Variants in MNS1 observed in about 807,000 individuals in gnomAD.
MNS1 encodes the protein meiosis specific nuclear structural 1.
MNS1 carries 63 observed loss-of-function variants against 72.0 expected under a neutral mutation model. The ratio of observed to expected loss-of-function variants is 0.87; its 90% CI spans 0.71 to 1.08. MNS1 has a LOEUF of 1.08. Ranked by LOEUF, MNS1 falls within the 50% of genes least tolerant of loss-of-function variation. The probability of loss-of-function intolerance (pLI) is 0.00; values close to 1 mark genes in which losing one functional copy is unlikely to be tolerated. For synonymous variants in MNS1, 188 were observed against 172.1 expected (o/e 1.09, Z -0.72); for missense variants, 604 against 562.4 (o/e 1.07, Z -0.75).
chr15:56,441,032 T>C (rs983313134), intron 7 of MNS1, among the ~76,000 whole-genome samples: 7 of 152,146 alleles, frequency 4.6e-5, no homozygotes, highest in African/African-American at 1.7e-4. Context: ...AGATATAAAC[T>C]TTCCTCTAAG....
chr15:56,443,738 CTG>C lies in MNS1; in HGVS notation c.801_802del (p.Asn267LysfsTer8), dbSNP rs1264214855. ...CATGTTAGCAAACTCTATGATTTTT[CTG>C]TTTTCTTCTTCCATCTCCTCACGTT... is the stretch of plus-strand genomic sequence containing the variant. On this transcript the variant is annotated frameshift_variant, in exon 6 of 10. Coordinates refer to ENST00000260453, the MANE Select transcript of MNS1 (RefSeq NM_018365.4). LOFTEE classifies it high-confidence loss of function. 6.2e-7 allele frequency: 1 copy of C among 1,613,208 alleles called. No individual in the cohort carries two copies. Among genetic ancestry groups the C allele is most frequent in the East Asian group, 2.2e-5 (1 of 44,826 alleles).
chr15:56,463,493 A>G (rs539883978), intron 2 of MNS1, among the ~76,000 whole-genome samples: 9 of 152,302 alleles, frequency 5.9e-5, no homozygotes, highest in Admixed American at 1.3e-4. Context: ...AGCATAAAAA[A>G]TAAAAGCAGG....
intron 3 of MNS1, 150 bp from the exon 4 acceptor site, chr15:56,447,093 T>C: frequency 1.7e-6 from 1 of 592,480 alleles, no homozygotes; most frequent in Non-Finnish European, 2.9e-6. Flanking sequence ...ATTCATTATA[T>C]TTAATGGATG....
At chr15:56,437,629 GAGAA>G (rs767517044) in intron 7 of MNS1, among the ~76,000 whole-genome samples, 11 of 152,158 alleles carry the variant, frequency 7.2e-5, no homozygotes, top group Non-Finnish European at 7.3e-5. Context: ...AGTCAGGCAG[GAGAA>G]AGAAAGAAAG....
chr15:56,431,344 G>A (rs1284886906), intron 9 of MNS1, 29 bp downstream of exon 9: 1 of 1,606,402 alleles, frequency 6.2e-7, no homozygotes, highest in East Asian at 2.2e-5. Flanking sequence ...AGGTCATGAA[G>A]ATTACAACTT....
At position 56,436,687 on chromosome 15, in the gene MNS1, C is replaced by G. The variant is rs533505004; in HGVS notation, c.1012-2292G>C. On this transcript the variant is annotated intron_variant, in intron 7 of 9. Transcript: ENST00000260453. ...CCAGGAGCTGGTTTTCTGAGAAGAT[C>G]AACAAAATTGATAGACCGCTAGCAA... is the stretch of plus-strand genomic sequence containing the variant. Among the ~76,000 whole-genome samples, 695 of 151,956 alleles carry G rather than the reference C, an allele frequency of 4.6e-3. 7 individuals carry two copies. The highest frequency in any genetic ancestry group is 0.016 in the African/African-American group (665 of 41,436).
At chr15:56,462,011 G>A (rs811256) in intron 2 of MNS1, among the ~76,000 whole-genome samples, 1 of 55,388 alleles carries the variant, frequency 1.8e-5, no homozygotes, top group Non-Finnish European at 4.0e-5. Flanking sequence ...TTTTTTTTTT[G>A]TGGGGTGGGG....
chr15:56,444,227 A>G (rs1383330850), intron 5 of MNS1, among the ~76,000 whole-genome samples: 1 of 152,094 alleles, frequency 6.6e-6, no homozygotes, highest in African/African-American at 2.4e-5. Flanking sequence ...AGGTCATTCA[A>G]TCACTTCAGC....
intron 3 of MNS1, 99 bp from the exon 4 acceptor site, chr15:56,447,042 G>A (rs1472140931): frequency 5.2e-6 from 4 of 766,950 alleles, no homozygotes; most frequent in Non-Finnish European, 8.5e-6. Context: ...TACTCAAAGA[G>A]GGAATACAGC....
chr15:56,449,159 C>A (rs1342096276), intron 3 of MNS1, among the ~76,000 whole-genome samples: 5 of 152,050 alleles, frequency 3.3e-5, no homozygotes, highest in African/African-American at 9.7e-5. Context: ...TTTGCTTTTT[C>A]TTGCCCTATT....
intron 3 of MNS1, among the ~76,000 whole-genome samples, chr15:56,455,735 T>C (rs1468136734): frequency 1.3e-5 from 2 of 152,152 alleles, no homozygotes; most frequent in African/African-American, 4.8e-5. Flanking sequence ...TGGAGTATTA[T>C]ACGGAAGTAT....
intron 2 of MNS1, among the ~76,000 whole-genome samples, chr15:56,461,660 C>CAAAAA (rs11294380): frequency 1.4e-4 from 8 of 57,076 alleles, no homozygotes; most frequent in East Asian, 1.1e-3. Context: ...GACTCTGTCT[C>CAAAAA]AAAAAAAAAA....
At chr15:56,446,698 A>G (rs968026664) in intron 4 of MNS1, 143 bp downstream of exon 4, 5 of 607,328 alleles carry the variant, frequency 8.2e-6, no homozygotes, top group Non-Finnish European at 1.4e-5. Flanking sequence ...GATTTTCTAC[A>G]TCTTAAGGAT....
chr15:56,463,855 A>G, intron 2 of MNS1, 171 bp downstream of exon 2: 1 of 600,840 alleles, frequency 1.7e-6, no homozygotes, highest in Non-Finnish European at 2.9e-6. Flanking sequence ...ATTCAAAGAC[A>G]GGCCGGCTCC....
At chr15:56,448,908 C>T (rs2050927962) in intron 3 of MNS1, among the ~76,000 whole-genome samples, 1 of 151,934 alleles carries the variant, frequency 6.6e-6, no homozygotes. Context: ...TGTGTGCCAC[C>T]ATGCCCGGTT....
At position 56,465,111 on chromosome 15, in the gene MNS1, C is replaced by T; in HGVS notation, c.-139G>A. 2 of 1,151,008 alleles carry T rather than the reference C, an allele frequency of 1.7e-6. No homozygotes were observed. Among genetic ancestry groups the T allele is most frequent in the Non-Finnish European group, 2.5e-6 (2 of 805,388 alleles). The allele number at this position is 1,151,008 out of a possible 1,614,324, so 71.3% of individuals were successfully genotyped here. A position where few individuals can be genotyped will look rare whatever the true frequency, so the allele number is the denominator to read the frequency against. ...ACGCGGCGTCTTGGCAACGGTGGAG[C>T]TGCGCGCCCTCCGCTCGACCAAAAG... On this transcript the variant is annotated 5_prime_UTR_variant, in exon 1 of 10. Transcript: ENST00000260453.
At chr15:56,464,721 T>G (rs1391562818) in intron 1 of MNS1, among the ~76,000 whole-genome samples, 1 of 152,214 alleles carries the variant, frequency 6.6e-6, no homozygotes, top group African/African-American at 2.4e-5. Flanking sequence ...TATATCTACT[T>G]ATTTCTTCAG....
chr15:56,451,607 T>C (rs2140370278), intron 3 of MNS1, among the ~76,000 whole-genome samples: 1 of 152,318 alleles, frequency 6.6e-6, no homozygotes, highest in South Asian at 2.1e-4. Flanking sequence ...TTTTCATTAT[T>C]ATTCAGTTAA....
intron 8 of MNS1, 85 bp from the exon 9 acceptor site, chr15:56,431,583 T>G: frequency 7.4e-7 from 1 of 1,360,228 alleles, no homozygotes; most frequent in Non-Finnish European, 1.0e-6. Context: ...TGCAATGAAT[T>G]AGATAAAATT....
Sources: allele counts gnomAD v4.1 joint callset (sites outside exome capture counted in the v4.1 genomes callset), GRCh38; gene constraint gnomAD v4.1.1; transcripts MANE v1.5; gene names NCBI Gene and HGNC (gene_info 2026-07-23, HGNC 2026-07-21).